The following PODXL variants were observed in gnomAD, a reference collection of about 807,000 sequenced individuals.
PODXL encodes podocalyxin like.
Under a neutral mutation model 48.9 loss-of-function variants are expected in PODXL, and 20 were observed. The observed-to-expected ratio is 0.41, with a 90% CI of 0.29 to 0.59. The LOEUF (loss-of-function observed/expected upper bound fraction) is 0.59. Among genes scored for constraint, PODXL ranks in the 20% least tolerant of loss-of-function variants. The probability of loss-of-function intolerance (pLI) is 0.31; values close to 1 mark genes in which losing one functional copy is unlikely to be tolerated. For missense variants in PODXL, 606 were observed against 675.1 expected (o/e 0.90, Z 1.13); for synonymous variants, 295 against 287.4 (o/e 1.03, Z -0.27).
chr7:131,525,239 T>C (rs1798162380), intron 1 of PODXL, among the ~76,000 whole-genome samples: 1 of 152,028 alleles, frequency 6.6e-6, no homozygotes, highest in Non-Finnish European at 1.5e-5. Context: ...ATCTCAGATG[T>C]CCAGGAAATC....
At chr7:131,535,184 A>C (rs926985769) in intron 1 of PODXL, among the ~76,000 whole-genome samples, 8 of 152,192 alleles carry the variant, frequency 5.3e-5, no homozygotes, top group Non-Finnish European at 1.5e-5. Flanking sequence ...TCTGGAGGGA[A>C]GGGAAGGGGA....
chr7:131,530,736 C>A (rs569013972), intron 1 of PODXL, among the ~76,000 whole-genome samples: 1 of 135,940 alleles, frequency 7.4e-6, no homozygotes, highest in Admixed American at 7.9e-5. Context: ...CCAGCCTGGG[C>A]AATGGGGAAA....
Position 131,502,418 on chromosome 7 carries a change from G to T in PODXL, c.*1893C>A. 1 of 152,368 alleles carries T rather than the reference G, an allele frequency of 6.6e-6. No homozygotes were observed. The highest frequency in any genetic ancestry group is 1.5e-5 in the Non-Finnish European group (1 of 68,162). The allele number at this position is 152,368 out of a possible 1,614,324, so 9.4% of individuals were successfully genotyped here. ...CGCTGGGGCCCTATGTGAACCCCTG[G>T]CCTTCCTTTTCCCCTAGGATATCAG... On this transcript the variant is annotated 3_prime_UTR_variant, in exon 9 of 9. Coordinates refer to ENST00000378555, the MANE Select transcript of PODXL (RefSeq NM_001018111.3).
At chr7:131,533,130 G>C (rs1255692452) in intron 1 of PODXL, among the ~76,000 whole-genome samples, 1 of 152,176 alleles carries the variant, frequency 6.6e-6, no homozygotes, top group Admixed American at 6.5e-5. Flanking sequence ...GGTCCCCAAC[G>C]TGCGCCCCTT....
intron 1 of PODXL, among the ~76,000 whole-genome samples, chr7:131,515,007 G>C (rs1365387971): frequency 6.6e-6 from 1 of 152,188 alleles, no homozygotes; most frequent in Non-Finnish European, 1.5e-5. Context: ...GTTATAGGCA[G>C]TTGTCCTATG....
At chr7:131,535,045 C>CT (rs1303125524) in intron 1 of PODXL, among the ~76,000 whole-genome samples, 16 of 151,978 alleles carry the variant, frequency 1.1e-4, no homozygotes, top group Non-Finnish European at 1.9e-4. Context: ...AAGCAAGACT[C>CT]TATCTCAAAA....
intron 1 of PODXL, among the ~76,000 whole-genome samples, chr7:131,532,117 AATAATAATCATC>A (rs1798288911): frequency 6.8e-6 from 1 of 146,852 alleles, no homozygotes; most frequent in Admixed American, 6.8e-5. Flanking sequence ...TAATAATAAT[AATAATAATCATC>A]ATCATCATCA....
rs912340742 is a variant in PODXL, at chr7:131,500,990, A to C, written c.*3321T>G. The C allele has an allele frequency of 6.6e-6, 1 of 152,174 alleles. No homozygotes were observed. Among genetic ancestry groups the C allele is most frequent in the Non-Finnish European group, 1.5e-5 (1 of 68,026 alleles). The allele number at this position is 152,174 out of a possible 1,614,324, so 9.4% of individuals were successfully genotyped here. On this transcript the variant is annotated 3_prime_UTR_variant, in exon 9 of 9. Transcript: ENST00000378555. ...GAAAAAGATTGGACTAGATCTTGAA[A>C]TACCTTTCTCCATGACTACAGGGTT...
chr7:131,541,854 G>A (rs1213742416), intron 1 of PODXL, among the ~76,000 whole-genome samples: 2 of 152,120 alleles, frequency 1.3e-5, no homozygotes, highest in South Asian at 2.1e-4. Context: ...AAGGAAGCCC[G>A]GTTTCCTATG....
intron 1 of PODXL, among the ~76,000 whole-genome samples, chr7:131,542,263 AGTC>A (rs1798495745): frequency 6.6e-6 from 1 of 152,172 alleles, no homozygotes. Context: ...CTCTCTGCCC[AGTC>A]TGGCTACCCT....
chr7:131,527,173 T>TAGTAG lies in PODXL; in HGVS notation c.101-15745_101-15741dup, dbSNP rs373037685. 8.6e-3 allele frequency among the ~76,000 whole-genome samples: 1,308 copies of TAGTAG among 152,296 alleles called. 22 individuals carry two copies. Among genetic ancestry groups the TAGTAG allele is most frequent in the African/African-American group, 0.028 (1,145 of 41,554 alleles). Reference sequence around the variant, plus strand: ...TAGCAAGAAAACGCAATGTTGATAGTAGTAGAGTACAGTTGACAGTACAGC... The same window carrying TAGTAG: ...TAGCAAGAAAACGCAATGTTGATAGTAGTAGAGTAGAGTACAGTTGACAGTACAGC... On this transcript the variant is annotated intron_variant, in intron 1 of 8. Transcript: ENST00000378555.
intron 2 of PODXL, 46 bp from the exon 3 acceptor site, chr7:131,510,377 G>A (rs1021394209): frequency 9.5e-5 from 29 of 305,934 alleles, no homozygotes; most frequent in Admixed American, 7.9e-4. Context: ...CTGGTGTGCT[G>A]GTGCACACCT....
At chr7:131,526,496 T>C (rs1798187700) in intron 1 of PODXL, among the ~76,000 whole-genome samples, 2 of 125,800 alleles carry the variant, frequency 1.6e-5, no homozygotes, top group African/African-American at 5.0e-5. Context: ...AAATTAAACA[T>C]GCATTTTACA....
intron 7 of PODXL, 42 bp downstream of exon 7, chr7:131,506,218 G>A (rs1389985008): frequency 6.2e-7 from 1 of 1,603,068 alleles, no homozygotes; most frequent in South Asian, 1.1e-5. Flanking sequence ...CCCACAAGGG[G>A]CTTCGGAGCC....
chr7:131,555,479 A>G (rs570904084), intron 1 of PODXL, among the ~76,000 whole-genome samples: 2 of 152,254 alleles, frequency 1.3e-5, no homozygotes, highest in South Asian at 4.1e-4. Context: ...AGACAGGTAC[A>G]TTTTCTAAGG....
chr7:131,556,327 C>A lies in PODXL; in HGVS notation c.33G>T (p.Leu11=). 1 of 1,482,684 alleles carries A rather than the reference C, an allele frequency of 6.7e-7. No homozygotes were observed. Among genetic ancestry groups the A allele is most frequent in the Non-Finnish European group, 8.9e-7 (1 of 1,118,504 alleles). 91.8% of individuals were successfully genotyped at this position (1,482,684 alleles called of 1,614,324 possible). A position where few individuals can be genotyped will look rare whatever the true frequency, so the allele number is the denominator to read the frequency against. Residue 11 remains leucine (L), a synonymous_variant, in exon 1 of 9, where the codon CTG becomes CTT. Coordinates refer to ENST00000378555, the MANE Select transcript of PODXL (RefSeq NM_001018111.3). MRCALALSAL[L]LLLSTPPLLP... is the part of the protein sequence containing the mutation. ...GCAGCGGCGGCGTTGACAACAGTAGCAGCAGCGCCGAGAGCGCCAGCGCGC... is the reference window on the plus strand; with the variant it reads ...GCAGCGGCGGCGTTGACAACAGTAGAAGCAGCGCCGAGAGCGCCAGCGCGC...
At chr7:131,511,819 C>A (rs1209768565) in intron 1 of PODXL, among the ~76,000 whole-genome samples, 1 of 152,140 alleles carries the variant, frequency 6.6e-6, no homozygotes, top group South Asian at 2.1e-4. Flanking sequence ...CTGCTGAAGG[C>A]GAGCCCAGGC....
intron 2 of PODXL, 135 bp from the exon 3 acceptor site, chr7:131,510,466 T>C (rs1300432691): frequency 3.6e-6 from 1 of 281,478 alleles, no homozygotes; most frequent in African/African-American, 2.3e-5. Flanking sequence ...GCAGAGATCA[T>C]GCCACCGCAC....
chr7:131,531,019 T>A lies in PODXL; in HGVS notation c.101-19586A>T, dbSNP rs529439941. On this transcript the variant is annotated intron_variant, in intron 1 of 8. Transcript: ENST00000378555. ...ATTGCAGTGAGCCAAGATCGCACCA[T>A]TGCACTCCAGTCTGGGCAACAAGAG... Among the ~76,000 whole-genome samples the A allele has an allele frequency of 2.0e-4, 31 of 151,992 alleles. 1 individual carries two copies. In the South Asian group the frequency reaches 6.5e-3, roughly 32 times the overall value.
Sources: gnomAD v4.1 joint callset for allele counts (sites outside exome capture counted in the v4.1 genomes callset) on GRCh38, gnomAD v4.1.1 for gene constraint, MANE v1.5 for transcripts, NCBI Gene and HGNC (gene_info 2026-07-23, HGNC 2026-07-21) for gene names.